The following RBFOX1 variants were observed in gnomAD, a reference collection of about 807,000 sequenced individuals.
The protein encoded by RBFOX1 is RNA binding protein fox-1 homolog 1.
A neutral mutation model predicts 57.7 loss-of-function variants in RBFOX1; 8 were observed. That is an observed-to-expected ratio of 0.14 (90% CI 0.08 to 0.25). The LOEUF (loss-of-function observed/expected upper bound fraction) is 0.25. Ranked by LOEUF, RBFOX1 falls within the 10% of genes least tolerant of loss-of-function variation. RBFOX1 has a pLI of 1.00. For synonymous variants in RBFOX1, 326 were observed against 222.4 expected, an observed-to-expected ratio of 1.47 and a Z score of -4.15; for missense variants, 611 against 548.5, an observed-to-expected ratio of 1.11 and a Z score of -1.14.
intron 2 of RBFOX1, among the ~76,000 whole-genome samples, chr16:5,471,191 C>A (rs1487832672): frequency 2.6e-5 from 4 of 152,130 alleles, no homozygotes; most frequent in Non-Finnish European, 5.9e-5. Flanking sequence ...CCACACAGCC[C>A]CCAGAGCATC....
chr16:7,220,220 A>G (rs1237525592), intron 4 of RBFOX1, among the ~76,000 whole-genome samples: 2 of 152,188 alleles, frequency 1.3e-5, no homozygotes, highest in African/African-American at 4.8e-5. Flanking sequence ...GCATGCTCTG[A>G]AGCAAGTAAG....
At chr16:5,834,761 A>G (rs1025051009) in intron 3 of RBFOX1, among the ~76,000 whole-genome samples, 55 of 147,684 alleles carry the variant, frequency 3.7e-4, no homozygotes, top group African/African-American at 9.0e-4. Context: ...ATACATACAT[A>G]CATACATGCA....
rs574981161 is a variant in RBFOX1 at position 5,651,675 on chromosome 16, G to A, written c.318+52714G>A. Among the ~76,000 whole-genome samples, 9 of 152,236 alleles carry A rather than the reference G, an allele frequency of 5.9e-5. No homozygotes were observed. The South Asian group carries it at 1.2e-3, about 21-fold the overall frequency. On this transcript the variant is annotated intron_variant, in intron 3 of 19. Coordinates refer to the RBFOX1 transcript ENST00000641259. ...CCCAGTGCCCATCTGTGAGTGAGCC[G>A]TTTCAGTCTAACTGATTCCGCATGG...
chr16:7,339,388 A>G (rs919932457), intron 4 of RBFOX1, among the ~76,000 whole-genome samples: 7 of 152,200 alleles, frequency 4.6e-5, no homozygotes, highest in Non-Finnish European at 7.3e-5. Context: ...TAGCATATAA[A>G]GTATGTTTAT....
At chr16:6,647,020 C>T (rs1179409615) in intron 2 of RBFOX1, among the ~76,000 whole-genome samples, 2 of 152,280 alleles carry the variant, frequency 1.3e-5, no homozygotes, top group Non-Finnish European at 2.9e-5. Context: ...TGGATAGCTT[C>T]TGAACAGAAC....
At chr16:6,724,976 A>C (rs916153936) in intron 3 of RBFOX1, among the ~76,000 whole-genome samples, 17 of 151,754 alleles carry the variant, frequency 1.1e-4, no homozygotes, top group Admixed American at 2.0e-4. Context: ...ATGCATTACA[A>C]ATAGTGTATA....
chr16:6,791,774 A>G (rs1189211005), intron 3 of RBFOX1, among the ~76,000 whole-genome samples: 1 of 152,036 alleles, frequency 6.6e-6, no homozygotes, highest in East Asian at 1.9e-4. Flanking sequence ...AAAAGCATCA[A>G]ACCAGGTGCA....
intron 14 of RBFOX1, among the ~76,000 whole-genome samples, chr16:7,698,123 G>A (rs1299034930): frequency 1.3e-5 from 2 of 151,992 alleles, no homozygotes; most frequent in East Asian, 3.9e-4. Context: ...TTAACAATAT[G>A]CTAGTCCCTG....
intron 1 of RBFOX1, among the ~76,000 whole-genome samples, chr16:6,220,154 A>G (rs1198619007): frequency 6.6e-6 from 1 of 152,078 alleles, no homozygotes; most frequent in African/African-American, 2.4e-5. Flanking sequence ...ATAGGTATCT[A>G]TATGTGTGTG....
At chr16:7,490,875 C>G (rs1158512029) in intron 4 of RBFOX1, among the ~76,000 whole-genome samples, 1 of 152,180 alleles carries the variant, frequency 6.6e-6, no homozygotes, top group African/African-American at 2.4e-5. Context: ...TTGTTTTGCT[C>G]TGACATTAGG....
intron 3 of RBFOX1, among the ~76,000 whole-genome samples, chr16:6,942,290 A>G (rs1377542141): frequency 6.6e-6 from 1 of 152,030 alleles, no homozygotes; most frequent in Non-Finnish European, 1.5e-5. Context: ...ACAAACAAAA[A>G]ACAAGTTGCT....
chr16:5,526,270 A>G (rs975090675), intron 2 of RBFOX1, among the ~76,000 whole-genome samples: 1 of 143,814 alleles, frequency 7.0e-6, no homozygotes, highest in African/African-American at 2.6e-5. Context: ...AGCAACAGAA[A>G]CTGTTTCCAC....
At position 7,258,705 on chromosome 16, in the gene RBFOX1, T is replaced by C. The variant is rs751593791; in HGVS notation, c.27+206607T>C. Among the ~76,000 whole-genome samples, 22 of 152,214 alleles carry C rather than the reference T, an allele frequency of 1.4e-4. 1 individual carries two copies. Among genetic ancestry groups the C allele is most frequent in the Non-Finnish European group, 2.4e-4 (16 of 68,028 alleles). Reference sequence around the variant, plus strand: ...ACTGCAAAGGTCATGGTTGCTGTTCTATTAGAGCCATTTAATCTCATTTGT... The same window carrying C: ...ACTGCAAAGGTCATGGTTGCTGTTCCATTAGAGCCATTTAATCTCATTTGT... On this transcript the variant is annotated intron_variant, in intron 4 of 15. Coordinates refer to ENST00000550418, the MANE Select transcript of RBFOX1 (RefSeq NM_018723.4).
intron 2 of RBFOX1, among the ~76,000 whole-genome samples, chr16:6,443,832 A>G (rs1175159944): frequency 6.6e-6 from 1 of 151,982 alleles, no homozygotes; most frequent in African/African-American, 2.4e-5. Context: ...CTAGCTATCC[A>G]TTCATCCATG....
chr16:7,519,147 C>A (rs2077007163), intron 5 of RBFOX1, among the ~76,000 whole-genome samples: 1 of 152,182 alleles, frequency 6.6e-6, no homozygotes, highest in Non-Finnish European at 1.5e-5. Context: ...TTGCCGGATG[C>A]ATCTAATTTC....
intron 2 of RBFOX1, among the ~76,000 whole-genome samples, chr16:6,513,797 C>T (rs1255577858): frequency 6.6e-6 from 1 of 152,106 alleles, no homozygotes; most frequent in Admixed American, 6.5e-5. Flanking sequence ...TGTCTTGTTT[C>T]TGTGGCCACT....
At chr16:5,929,649 T>G (rs937862466) in intron 4 of RBFOX1, among the ~76,000 whole-genome samples, 7 of 152,232 alleles carry the variant, frequency 4.6e-5, no homozygotes, top group Admixed American at 1.3e-4. Flanking sequence ...GACTTCATAG[T>G]GTTTAAGAAT....
intron 4 of RBFOX1, among the ~76,000 whole-genome samples, chr16:5,984,840 A>C (rs187860398): frequency 2.0e-4 from 31 of 151,680 alleles, no homozygotes; most frequent in African/African-American, 7.5e-4. Flanking sequence ...TACTGTAGGC[A>C]GTTGGAACAC....
At chr16:5,547,498 C>T (rs969707679) in intron 2 of RBFOX1, among the ~76,000 whole-genome samples, 2 of 152,004 alleles carry the variant, frequency 1.3e-5, no homozygotes, top group African/African-American at 4.8e-5. Flanking sequence ...GTGAAAGATG[C>T]CAGATAAAAA....
Sources: gnomAD v4.1 joint callset for allele counts (sites outside exome capture counted in the v4.1 genomes callset) on GRCh38, gnomAD v4.1.1 for gene constraint, MANE v1.5 for transcripts, NCBI Gene and HGNC (gene_info 2026-07-23, HGNC 2026-07-21) for gene names.